The following TLCD3A variants were observed in gnomAD, a reference collection of about 807,000 sequenced individuals.
TLCD3A encodes the protein TLC domain containing 3A, also known as TLC domain-containing protein 3A.
In TLCD3A, 17 loss-of-function variants were observed where a neutral mutation model predicts 29.9. The ratio of observed to expected loss-of-function variants is 0.57; its 90% CI spans 0.39 to 0.85. The LOEUF (loss-of-function observed/expected upper bound fraction) is 0.85. TLCD3A is among the 40% of genes least tolerant of loss of function. TLCD3A has a pLI of 0.00. For missense variants in TLCD3A, 332 were observed against 350.8 expected (o/e 0.95, Z 0.43); for synonymous variants, 143 against 147.7 (o/e 0.97, Z 0.23).
intron 1 of TLCD3A, 120 bp from the exon 2 acceptor site, chr17:732,978 C>T: frequency 7.1e-7 from 1 of 1,411,698 alleles, no homozygotes; most frequent in Non-Finnish European, 9.6e-7. Flanking sequence ...GATGAGCCTC[C>T]GGAGCCCGCT....
chr17:735,939 C>T (rs1450430087), intron 2 of TLCD3A, among the ~76,000 whole-genome samples: 2 of 139,660 alleles, frequency 1.4e-5, no homozygotes, highest in East Asian at 4.3e-4. Context: ...CGCGCCACTA[C>T]ATCCAGCCTG....
chr17:738,094 G>GTATTT, intron 3 of TLCD3A, 47 bp downstream of exon 3: 43 of 428,506 alleles, frequency 1.0e-4, no homozygotes, highest in Non-Finnish European at 1.3e-4. Context: ...TGAGCTGGGT[G>GTATTT]TCTTTTTTTT....
intron 3 of TLCD3A, among the ~76,000 whole-genome samples, chr17:738,526 C>G (rs1475912416): frequency 2.0e-5 from 3 of 152,178 alleles, no homozygotes; most frequent in Admixed American, 1.3e-4. Flanking sequence ...GGAGGAACAC[C>G]ATTACACATG....
intron 2 of TLCD3A, among the ~76,000 whole-genome samples, chr17:734,311 A>G (rs1974121724): frequency 6.8e-6 from 1 of 147,498 alleles, no homozygotes. Context: ...GAGCCACCAC[A>G]CCCAGCAAAT....
intron 2 of TLCD3A, among the ~76,000 whole-genome samples, chr17:733,815 C>CT (rs1423624259): frequency 3.3e-5 from 5 of 151,964 alleles, no homozygotes; most frequent in Non-Finnish European, 5.9e-5. Context: ...TATTTCAAGC[C>CT]TTTTTTTTCC....
chr17:735,414 A>G (rs935742254), intron 2 of TLCD3A, among the ~76,000 whole-genome samples: 1 of 152,238 alleles, frequency 6.6e-6, no homozygotes, highest in Non-Finnish European at 1.5e-5. Flanking sequence ...ATCACAGGCT[A>G]GTGATAGTGA....
chr17:733,628 G>GT (rs2144106271), intron 2 of TLCD3A, among the ~76,000 whole-genome samples: 1 of 152,290 alleles, frequency 6.6e-6, no homozygotes, highest in African/African-American at 2.4e-5. Flanking sequence ...TTTGCTAAAG[G>GT]TGATTGAGAG....
chr17:741,793 CAGCAAAG>C lies in TLCD3A; in HGVS notation c.*224_*230del. ...TTGGGTCCTGTCAGACCTCCACGGACAGCAAAGTGGTTTTAATGCAAGCCCAAGGATC... is the reference window on the plus strand; with the variant it reads ...TTGGGTCCTGTCAGACCTCCACGGACTGGTTTTAATGCAAGCCCAAGGATC... On this transcript the variant is annotated 3_prime_UTR_variant, in exon 5 of 5. Coordinates refer to ENST00000308278, the MANE Select transcript of TLCD3A (RefSeq NM_024792.3). 1.7e-6 allele frequency: 1 copy of C among 587,948 alleles called. No homozygotes were observed. The allele number at this position is 587,948 out of a possible 1,614,324, so 36.4% of individuals were successfully genotyped here.
In TLCD3A at chr17:733,255, A is replaced by T. The variant is rs549370437; in HGVS notation, c.206+74A>T. 693 of 1,358,538 alleles carry T rather than the reference A, an allele frequency of 5.1e-4. 5 individuals are homozygous for T. In the South Asian group the frequency reaches 6.0e-3, roughly 12 times the overall value. 84.2% of individuals were successfully genotyped at this position (1,358,538 alleles called of 1,614,324 possible). A position where few individuals can be genotyped will look rare whatever the true frequency, so the allele number is the denominator to read the frequency against. ...TCGCAGGCTCTGGCTCTCGCAGCAC[A>T]CGCGCTCAGAAAGCTGACTAATGGG... On this transcript the variant is annotated intron_variant, in intron 2 of 4. Coordinates refer to ENST00000308278, the MANE Select transcript of TLCD3A (RefSeq NM_024792.3).
At chr17:741,112 G>A (rs1000483739) in intron 4 of TLCD3A, among the ~76,000 whole-genome samples, 189 bp from the exon 5 acceptor site, 7 of 152,212 alleles carry the variant, frequency 4.6e-5, no homozygotes, top group African/African-American at 1.7e-4. Context: ...CAATATGATA[G>A]TGTTCAAGAA....
Position 733,091 on chromosome 17 carries a change from G to A in TLCD3A, c.123-7G>A. ...AGCGCGCGCGCTGTTCTCTCCGCCC[G>A]CGCTAGGCTGGTTTCCTCGGTGCAC... On this transcript the variant is annotated splice_region_variant and splice_polypyrimidine_tract_variant and intron_variant, in intron 1 of 4. Coordinates refer to ENST00000308278, the MANE Select transcript of TLCD3A (RefSeq NM_024792.3). 2 of 1,578,072 alleles carry A rather than the reference G, an allele frequency of 1.3e-6. No homozygotes were observed. The highest frequency in any genetic ancestry group is 1.7e-6 in the Non-Finnish European group (2 of 1,162,724).
intron 2 of TLCD3A, among the ~76,000 whole-genome samples, chr17:733,706 G>A (rs1335265737): frequency 1.3e-5 from 2 of 152,246 alleles, no homozygotes; most frequent in African/African-American, 4.8e-5. Flanking sequence ...GTCAGGAAAT[G>A]TGCACCTATC....
Position 738,097 on chromosome 17 carries a change from T to TTTTTTTTTA in TLCD3A, c.408+58_408+59insATTTTTTTT, listed in dbSNP as rs1555595621. On this transcript the variant is annotated intron_variant, in intron 3 of 4. Coordinates refer to ENST00000308278, the MANE Select transcript of TLCD3A (RefSeq NM_024792.3). The stretch of plus-strand genomic sequence containing the variant: ...CAGCAGCTGGGTTGAGCTGGGTGTC[T>TTTTTTTTTA]TTTTTTTTTTTTTTTTCTGAGACAG... The TTTTTTTTTA allele has an allele frequency of 5.9e-6, 5 of 851,818 alleles. No homozygotes were observed. The East Asian group carries it at 9.9e-5, about 17-fold the overall frequency. The allele number at this position is 851,818 out of a possible 1,614,324, so 52.8% of individuals were successfully genotyped here.
intron 2 of TLCD3A, among the ~76,000 whole-genome samples, chr17:734,902 G>A (rs999311115): frequency 2.0e-5 from 3 of 152,106 alleles, no homozygotes; most frequent in Non-Finnish European, 4.4e-5. Context: ...ACGCTGGTCT[G>A]AACTCCTGGG....
chr17:740,919 C>T (rs1044414616), intron 4 of TLCD3A, among the ~76,000 whole-genome samples: 4 of 152,188 alleles, frequency 2.6e-5, no homozygotes, highest in African/African-American at 9.7e-5. Context: ...GTCAGCTGGT[C>T]ATCTCAGCCA....
intron 2 of TLCD3A, among the ~76,000 whole-genome samples, chr17:733,428 G>A (rs537036162): frequency 6.6e-6 from 1 of 152,336 alleles, no homozygotes; most frequent in South Asian, 2.1e-4. Flanking sequence ...GTCCTTCATG[G>A]AAGAGATAAG....
In TLCD3A at chr17:733,132, G is replaced by A; in HGVS notation, c.157G>A (p.Gly53Ser). 5 of 1,590,228 alleles carry A rather than the reference G, an allele frequency of 3.1e-6. No homozygotes were observed. Among genetic ancestry groups the A allele is most frequent in the African/African-American group, 1.4e-5 (1 of 73,916 alleles). The change falls in exon 2 of 5, where the codon GGC becomes AGC. Residue 53 changes from glycine (G) to serine (S), a missense_variant. Transcript: ENST00000308278. ...VSSVHAVLAT[G>S]SGIVIIRSCD... ...CTCGGTGCACGCCGTGCTGGCCACC[G>A]GCTCGGGGATCGTCATCATTCGCTC...
intron 2 of TLCD3A, among the ~76,000 whole-genome samples, chr17:736,105 G>A (rs1263959118): frequency 6.6e-6 from 1 of 151,986 alleles, no homozygotes; most frequent in Non-Finnish European, 1.5e-5. Flanking sequence ...TAAGTGTGGA[G>A]TTGCTCAAGA....
At chr17:733,073 G>A in intron 1 of TLCD3A, 25 bp from the exon 2 acceptor site, 1 of 1,514,744 alleles carries the variant, frequency 6.6e-7, no homozygotes, top group South Asian at 1.2e-5. Flanking sequence ...CTGAGCGCGC[G>A]CGCTGTTCTC....
Sources: gnomAD v4.1 joint callset for allele counts (sites outside exome capture counted in the v4.1 genomes callset) on GRCh38, gnomAD v4.1.1 for gene constraint, MANE v1.5 for transcripts, NCBI Gene and HGNC (gene_info 2026-07-23, HGNC 2026-07-21) for gene names.